CEP152: variants seen among roughly 807,000 people sequenced by gnomAD.
CEP152 encodes the protein centrosomal protein of 152 kDa.
Under a neutral mutation model 188.9 loss-of-function variants are expected in CEP152, and 132 were observed. The observed-to-expected ratio is 0.70, with a 90% CI of 0.61 to 0.81. CEP152 has a LOEUF of 0.81. Among genes scored for constraint, CEP152 ranks in the 30% least tolerant of loss-of-function variants. CEP152 has a pLI of 0.00. For missense variants in CEP152, 1,914 were observed against 1,969.8 expected (o/e 0.97, Z 0.54); for synonymous variants, 649 against 666.6 (o/e 0.97, Z 0.41).
At chr15:48,766,974 C>T (rs2140750229) in intron 17 of CEP152, 86 bp downstream of exon 17, 2 of 1,566,726 alleles carry the variant, frequency 1.3e-6, no homozygotes, top group Non-Finnish European at 1.7e-6. Context: ...CCATTCACTT[C>T]TCTAGAACAA....
rs369460187 is a variant in CEP152 at position 48,738,813 on chromosome 15, G to C, written c.4569C>G (p.Thr1523=). The C allele has an allele frequency of 6.2e-7, 1 of 1,614,154 alleles. No individual in the cohort carries two copies. The highest frequency in any genetic ancestry group is 1.3e-5 in the African/African-American group (1 of 75,036). The change falls in exon 27 of 27, where the codon ACC becomes ACG. Residue 1523 remains threonine (T), a synonymous_variant. Transcript: ENST00000380950. ...GPSESGCMHI[T]FRDSNERLGL... ...CAAGTCTTTCATTAGAATCGCGAAA[G>C]GTTATATGCATGCATCCTGATTCAG...
intron 15 of CEP152, among the ~76,000 whole-genome samples, chr15:48,767,971 T>C (rs1895247086): frequency 6.6e-6 from 1 of 152,158 alleles, no homozygotes; most frequent in African/African-American, 2.4e-5. Flanking sequence ...AATATTAACC[T>C]ATAATATTTC....
intron 9 of CEP152, among the ~76,000 whole-genome samples, chr15:48,788,454 C>T (rs1896803512): frequency 6.6e-6 from 1 of 151,490 alleles, no homozygotes; most frequent in African/African-American, 2.4e-5. Flanking sequence ...CTGCCTCAGC[C>T]TCCCGAGTAG....
chr15:48,777,626 G>A (rs1410599164), intron 12 of CEP152, among the ~76,000 whole-genome samples: 2 of 151,778 alleles, frequency 1.3e-5, no homozygotes, highest in African/African-American at 2.4e-5. Context: ...TATTTTGTAA[G>A]TAGTCTGTCT....
intron 6 of CEP152, 47 bp from the exon 7 acceptor site, chr15:48,793,508 A>G: frequency 6.5e-7 from 1 of 1,543,876 alleles, no homozygotes. Flanking sequence ...CCAAAATATA[A>G]ATTTATAGTC....
intron 9 of CEP152, among the ~76,000 whole-genome samples, chr15:48,785,374 C>A (rs1258173474): frequency 6.6e-6 from 1 of 152,122 alleles, no homozygotes; most frequent in East Asian, 1.9e-4. Flanking sequence ...GTTTATTCAG[C>A]ACTGCAAACC....
At chr15:48,752,224 G>A (rs964106086) in intron 21 of CEP152, 125 bp downstream of exon 21, 44 of 1,499,096 alleles carry the variant, frequency 2.9e-5, no homozygotes, top group Admixed American at 2.7e-4. Context: ...TAGGAAGAGG[G>A]GACATTAAGT....
intron 2 of CEP152, among the ~76,000 whole-genome samples, chr15:48,803,538 A>G (rs1326962341): frequency 2.0e-5 from 3 of 152,190 alleles, no homozygotes; most frequent in Non-Finnish European, 2.9e-5. Context: ...GTTTTTTACA[A>G]ATTTAACCAT....
At chr15:48,775,149 T>C (rs1895808686) in intron 12 of CEP152, among the ~76,000 whole-genome samples, 1 of 151,836 alleles carries the variant, frequency 6.6e-6, no homozygotes, top group African/African-American at 2.4e-5. Flanking sequence ...CAAGAAACTG[T>C]AGTATAATAT....
At chr15:48,786,649 G>A (rs1896653522) in intron 9 of CEP152, among the ~76,000 whole-genome samples, 1 of 152,128 alleles carries the variant, frequency 6.6e-6, no homozygotes, top group Admixed American at 6.6e-5. Context: ...GCAATTATAT[G>A]CAGAGCCTAA....
At chr15:48,794,809 TC>T (rs1002045382) in intron 6 of CEP152, among the ~76,000 whole-genome samples, 3 of 152,298 alleles carry the variant, frequency 2.0e-5, no homozygotes, top group African/African-American at 7.2e-5. Context: ...ACTGTCCACT[TC>T]CTCATTCCAC....
chr15:48,797,779 C>A, intron 3 of CEP152, 49 bp from the exon 4 acceptor site: 1 of 1,593,794 alleles, frequency 6.3e-7, no homozygotes, highest in Non-Finnish European at 8.6e-7. Flanking sequence ...TTTATTTGTA[C>A]ATAGATAACA....
At chr15:48,802,070 A>T (rs1299151600) in intron 2 of CEP152, among the ~76,000 whole-genome samples, 3 of 151,922 alleles carry the variant, frequency 2.0e-5, no homozygotes, top group Non-Finnish European at 4.4e-5. Context: ...AGCATGGGCA[A>T]CAGAGCGAGA....
chr15:48,741,418 G>C, intron 26 of CEP152, 183 bp downstream of exon 26: 4 of 1,449,036 alleles, frequency 2.8e-6, no homozygotes, highest in Non-Finnish European at 3.6e-6. Context: ...GGCATGCTCA[G>C]TCTGCCTACT....
Position 48,797,438 on chromosome 15 carries a change from G to A in CEP152, c.403C>T (p.Pro135Ser). The stretch of plus-strand genomic sequence containing the variant: ...AAATCAGTCTGTTCACATTTACTTG[G>A]AGGACTATAACCACTTCCACCTTCA... Reference protein sequence around the residue: ...GDEGGSGYSPPSKCEQTDLYH... With the variant: ...GDEGGSGYSPSSKCEQTDLYH... Residue 135 changes from proline to serine, a missense_variant, in exon 5 of 27, where the codon CCA becomes TCA. Transcript: ENST00000380950. The A allele has an allele frequency of 4.3e-6, 7 of 1,614,072 alleles. No individual in the cohort carries two copies. The highest frequency in any genetic ancestry group is 5.9e-6 in the Non-Finnish European group (7 of 1,179,990).
intron 12 of CEP152, among the ~76,000 whole-genome samples, chr15:48,776,609 T>A (rs1242805567): frequency 3.9e-5 from 6 of 152,264 alleles, no homozygotes; most frequent in African/African-American, 1.4e-4. Flanking sequence ...TAAACAGCGA[T>A]TTAGTAGCTA....
At chr15:48,769,308 C>T (rs1895365482) in intron 13 of CEP152, among the ~76,000 whole-genome samples, 1 of 152,166 alleles carries the variant, frequency 6.6e-6, no homozygotes, top group Non-Finnish European at 1.5e-5. Flanking sequence ...CTCCAATTTG[C>T]CCCAAATGTC....
chr15:48,787,163 G>GTTTTTTTTT (rs747436177), intron 9 of CEP152, among the ~76,000 whole-genome samples: 17,551 of 101,080 alleles, frequency 0.17, 4,210 homozygotes, highest in East Asian at 0.26. Flanking sequence ...TATAGCCTTC[G>GTTTTTTTTT]TTTTTTTTTT....
At chr15:48,791,494 C>A (rs987366299) in intron 7 of CEP152, 118 bp from the exon 8 acceptor site, 25 of 912,618 alleles carry the variant, frequency 2.7e-5, no homozygotes, top group Non-Finnish European at 4.0e-5. Context: ...AAATTTAATT[C>A]AGAAAAATGA....
Sources: allele counts gnomAD v4.1 joint callset (sites outside exome capture counted in the v4.1 genomes callset), GRCh38; gene constraint gnomAD v4.1.1; transcripts MANE v1.5; gene names NCBI Gene and HGNC (gene_info 2026-07-23, HGNC 2026-07-21).